Variants in GASK1B observed in about 807,000 individuals in gnomAD.
GASK1B encodes the protein Golgi-associated kinase 1B.
GASK1B carries 34 observed loss-of-function variants against 42.8 expected under a neutral mutation model. The ratio of observed to expected loss-of-function variants is 0.79; its 90% confidence interval spans 0.60 to 1.06. The LOEUF (loss-of-function observed/expected upper bound fraction) is 1.06. Among genes scored for constraint, GASK1B ranks in the 50% least tolerant of loss-of-function variants. The pLI, the probability that GASK1B is intolerant of heterozygous loss-of-function variation, is 0.00. For missense variants in GASK1B, 686 were observed against 661.0 expected, an observed-to-expected ratio of 1.04 and a Z score of -0.42; for synonymous variants, 262 against 259.1, an observed-to-expected ratio of 1.01 and a Z score of -0.11.
intron 4 of GASK1B, among the ~76,000 whole-genome samples, chr4:158,128,174 T>A (rs1043617636): frequency 1.3e-5 from 2 of 152,218 alleles, no homozygotes; most frequent in Non-Finnish European, 2.9e-5. Context: ...GAATTGTCTC[T>A]GAGTCATATT....
chr4:158,148,462 T>C lies in GASK1B; in HGVS notation c.1125+7149A>G, dbSNP rs534916547. 2.2e-4 allele frequency among the ~76,000 whole-genome samples: 33 copies of C among 152,294 alleles called. 1 individual carries two copies. Among genetic ancestry groups the C allele is most frequent in the African/African-American group, 7.7e-4 (32 of 41,558 alleles). ...TTGCACTGTGGGAAATAAATAAATATTGAATGAACAAAATACATAAGTCCA... is the reference window on the plus strand; with the variant it reads ...TTGCACTGTGGGAAATAAATAAATACTGAATGAACAAAATACATAAGTCCA... On this transcript the variant is annotated intron_variant, in intron 3 of 4. Coordinates refer to ENST00000585682, the MANE Select transcript of GASK1B (RefSeq NM_001128424.2).
At chr4:158,132,220 C>G (rs1730711585) in intron 3 of GASK1B, among the ~76,000 whole-genome samples, 1 of 152,094 alleles carries the variant, frequency 6.6e-6, no homozygotes, top group Non-Finnish European at 1.5e-5. Context: ...TTTAGGCTAA[C>G]TAGTCAAAAG....
Position 158,127,208 on chromosome 4 carries a change from A to G in GASK1B, c.*199T>C, listed in dbSNP as rs1276298578. ...GAAAAATATAAACAAATATTTCTCA[A>G]GTAGTTTGTTTTTCAAAACCTTTTT... On this transcript the variant is annotated 3_prime_UTR_variant, in exon 5 of 5. Transcript: ENST00000585682. 9.4e-6 allele frequency: 4 copies of G among 425,782 alleles called. No individual in the cohort carries two copies. The highest frequency in any genetic ancestry group is 2.0e-5 in the African/African-American group (1 of 48,948). 26.4% of individuals were successfully genotyped at this position (425,782 alleles called of 1,614,324 possible). A position where few individuals can be genotyped will look rare whatever the true frequency, so the allele number is the denominator to read the frequency against.
chr4:158,170,769 T>C lies in GASK1B; in HGVS notation c.607A>G (p.Ser203Gly), dbSNP rs757038996. The C allele has an allele frequency of 5.0e-6, 8 of 1,614,042 alleles. No individual in the cohort carries two copies. The Admixed American group carries it at 8.3e-5, about 17-fold the overall frequency. Residue 203 changes from serine (S) to glycine (G), a missense_variant, in exon 2 of 5, where the codon AGC becomes GGC. Ser to Gly is a moderately conservative substitution (Grantham distance 56). Transcript: ENST00000585682. ...PDFLQPSSRESNIRIYSESAP... is the reference protein window; with the variant it reads ...PDFLQPSSREGNIRIYSESAP... ...CTCTCGCTGTAGATCCTAATGTTGC[T>C]CTCCCTGGAGCTGGGCTGCAGGAAG...
Position 158,171,453 on chromosome 4 carries a change from A to C in GASK1B, c.-78T>G. On this transcript the variant is annotated 5_prime_UTR_variant, in exon 2 of 5. Coordinates refer to ENST00000585682, the MANE Select transcript of GASK1B (RefSeq NM_001128424.2). ...TGCTAATGTGATGCATGGTTTCCTG[A>C]CTTCAGCTGCCGCGTCCGCTTCGGG... 1.4e-6 allele frequency: 2 copies of C among 1,447,056 alleles called. No homozygotes were observed. The highest frequency in any genetic ancestry group is 1.8e-6 in the Non-Finnish European group (2 of 1,091,882). The allele number at this position is 1,447,056 out of a possible 1,614,324, so 89.6% of individuals were successfully genotyped here.
At chr4:158,131,078 T>C (rs1730666121) in intron 3 of GASK1B, 66 bp from the exon 4 acceptor site, 1 of 1,391,066 alleles carries the variant, frequency 7.2e-7, no homozygotes, top group Non-Finnish European at 1.0e-6. Flanking sequence ...GTTACAAGAT[T>C]TTCAAAGATC....
chr4:158,132,297 T>G (rs1209455724), intron 3 of GASK1B, among the ~76,000 whole-genome samples: 4 of 152,332 alleles, frequency 2.6e-5, no homozygotes, highest in Admixed American at 1.3e-4. Flanking sequence ...CTCATCCTCC[T>G]GTGTTTCTGC....
intron 3 of GASK1B, among the ~76,000 whole-genome samples, chr4:158,137,151 G>A (rs1730925431): frequency 1.3e-5 from 2 of 152,118 alleles, no homozygotes; most frequent in South Asian, 4.1e-4. Context: ...TTCTTTATGT[G>A]GGTTTAAATT....
intron 3 of GASK1B, among the ~76,000 whole-genome samples, chr4:158,144,695 C>G (rs1484678468): frequency 1.3e-5 from 2 of 152,180 alleles, no homozygotes; most frequent in East Asian, 3.8e-4. Context: ...CTTCCTAGAT[C>G]CACCAGTTCA....
intron 3 of GASK1B, among the ~76,000 whole-genome samples, chr4:158,141,842 C>A (rs529209252): frequency 6.7e-6 from 1 of 149,876 alleles, no homozygotes; most frequent in Admixed American, 6.6e-5. Context: ...GTCCTGACCT[C>A]GTGATCAGCC....
intron 2 of GASK1B, among the ~76,000 whole-genome samples, chr4:158,164,127 G>A (rs1732136416): frequency 6.6e-6 from 1 of 152,094 alleles, no homozygotes; most frequent in Non-Finnish European, 1.5e-5. Flanking sequence ...ACTCACACAT[G>A]GCCCTCTAGT....
intron 2 of GASK1B, among the ~76,000 whole-genome samples, chr4:158,165,806 G>A (rs542488379): frequency 9.2e-5 from 14 of 152,108 alleles, no homozygotes; most frequent in Non-Finnish European, 1.6e-4. Context: ...GGTAGGTGAC[G>A]TAGGGCACAT....
intron 2 of GASK1B, among the ~76,000 whole-genome samples, chr4:158,163,870 C>T (rs1029524375): frequency 6.6e-6 from 1 of 152,104 alleles, no homozygotes; most frequent in African/African-American, 2.4e-5. Context: ...CCCTAGTATC[C>T]GGGGCAGTGC....
At chr4:158,137,118 CT>C (rs1730923615) in intron 3 of GASK1B, among the ~76,000 whole-genome samples, 1 of 152,112 alleles carries the variant, frequency 6.6e-6, no homozygotes, top group Non-Finnish European at 1.5e-5. Flanking sequence ...ATGGCCTGTG[CT>C]TGCTGTGTGC....
At chr4:158,138,127 C>A (rs759857133) in intron 3 of GASK1B, among the ~76,000 whole-genome samples, 1 of 152,136 alleles carries the variant, frequency 6.6e-6, no homozygotes, top group Non-Finnish European at 1.5e-5. Flanking sequence ...ACATTTGGAT[C>A]GATTTCTATA....
chr4:158,129,473 A>T (rs768651210), intron 4 of GASK1B, among the ~76,000 whole-genome samples: 1 of 152,202 alleles, frequency 6.6e-6, no homozygotes, highest in Non-Finnish European at 1.5e-5. Context: ...AACTTATAAA[A>T]TCATGTCTCA....
intron 3 of GASK1B, among the ~76,000 whole-genome samples, chr4:158,143,571 G>T (rs965916941): frequency 1.3e-5 from 2 of 152,066 alleles, no homozygotes; most frequent in Non-Finnish European, 2.9e-5. Flanking sequence ...AAATGAAAAG[G>T]AAAAAGTGAC....
At chr4:158,144,268 T>C (rs745793931) in intron 3 of GASK1B, among the ~76,000 whole-genome samples, 1 of 152,220 alleles carries the variant, frequency 6.6e-6, no homozygotes, top group African/African-American at 2.4e-5. Flanking sequence ...GAAGCTTCCT[T>C]AAGTAAGATA....
intron 3 of GASK1B, among the ~76,000 whole-genome samples, chr4:158,154,088 G>A (rs991683217): frequency 6.6e-6 from 1 of 151,476 alleles, no homozygotes; most frequent in Admixed American, 6.6e-5. Context: ...CCCATAGAGT[G>A]GGAGAAAATC....
Sources: gnomAD v4.1 joint callset for allele counts (sites outside exome capture counted in the v4.1 genomes callset) on GRCh38, gnomAD v4.1.1 for gene constraint, MANE v1.5 for transcripts, NCBI Gene and HGNC (gene_info 2026-07-23, HGNC 2026-07-21) for gene names.